The following C1QTNF3 variants were observed in gnomAD, a reference collection of about 807,000 sequenced individuals.
The protein encoded by C1QTNF3 is C1q and TNF related 3.
In C1QTNF3, 26 loss-of-function variants were observed where a neutral mutation model predicts 32.6. The ratio of observed to expected loss-of-function variants is 0.80; its 90% CI spans 0.58 to 1.11. The LOEUF (loss-of-function observed/expected upper bound fraction) is 1.11, where lower values mean the gene tolerates loss of function less well. Among genes scored for constraint, C1QTNF3 ranks in the 50% least tolerant of loss-of-function variants. C1QTNF3 has a pLI of 0.00. For synonymous variants in C1QTNF3, 155 were observed against 146.0 expected (o/e 1.06, Z -0.44); for missense variants, 362 against 398.2 (o/e 0.91, Z 0.77).
At chr5:34,146,287 T>C in the C1QTNF3 span, among the ~76,000 whole-genome samples, 1 of 152,190 alleles carries the variant, frequency 6.6e-6, no homozygotes, top group Non-Finnish European at 1.5e-5. Context: ...CCCAAAGCAA[T>C]TTAAAGATTC....
chr5:34,067,291 G>A, the C1QTNF3 span, among the ~76,000 whole-genome samples: 10 of 152,148 alleles, frequency 6.6e-5, no homozygotes, highest in African/African-American at 2.2e-4. Context: ...GTCCAAAATT[G>A]CTTCCACATT....
At chr5:34,043,794 G>A (rs1754933073), upstream of C1QTNF3, 1 of 152,182 alleles carries the variant, frequency 6.6e-6, no homozygotes, top group South Asian at 2.1e-4. Context: ...GCCACCCTCA[G>A]CTTTACTTCT....
chr5:34,203,288 T>C, the C1QTNF3 span, among the ~76,000 whole-genome samples: 4 of 151,990 alleles, frequency 2.6e-5, no homozygotes, highest in African/African-American at 9.7e-5. Flanking sequence ...AAAGAACTTA[T>C]AAAACAAGTA....
At chr5:34,027,078 T>G (rs1029126020) in intron 4 of C1QTNF3, among the ~76,000 whole-genome samples, 2 of 152,218 alleles carry the variant, frequency 1.3e-5, no homozygotes, top group Non-Finnish European at 2.9e-5. Context: ...TTATTTAAAA[T>G]GTTAATAGTA....
the C1QTNF3 span, among the ~76,000 whole-genome samples, chr5:34,213,697 T>C: frequency 2.0e-5 from 1 of 50,518 alleles, no homozygotes; most frequent in South Asian, 1.2e-3. Flanking sequence ...TGTGTGTGTA[T>C]ATATATATGT....
At chr5:34,033,232 C>T (rs1754659725) in intron 3 of C1QTNF3, 72 bp downstream of exon 3, 8 of 1,535,360 alleles carry the variant, frequency 5.2e-6, no homozygotes, top group Non-Finnish European at 6.2e-6. Context: ...AGCGCTCGAA[C>T]ATCCTGATTC....
the C1QTNF3 span, among the ~76,000 whole-genome samples, chr5:34,070,842 T>C: frequency 3.3e-5 from 5 of 152,242 alleles, no homozygotes; most frequent in African/African-American, 1.2e-4. Context: ...CAATTTATTT[T>C]AGGCTAAAAT....
At chr5:34,084,266 TC>T in the C1QTNF3 span, among the ~76,000 whole-genome samples, 2 of 151,746 alleles carry the variant, frequency 1.3e-5, no homozygotes, top group African/African-American at 4.9e-5. Flanking sequence ...GTGACAATTC[TC>T]CCCGGATCTC....
chr5:34,236,570 CT>C, the C1QTNF3 span, among the ~76,000 whole-genome samples: 3,996 of 27,540 alleles, frequency 0.15, 282 homozygotes, highest in African/African-American at 0.25. Flanking sequence ...TTTCTTTTTT[CT>C]TTTTTTTTTT....
the C1QTNF3 span, among the ~76,000 whole-genome samples, chr5:34,147,144 A>AT: frequency 6.6e-5 from 10 of 152,026 alleles, no homozygotes; most frequent in Admixed American, 3.9e-4. Flanking sequence ...AAAGTAAAAA[A>AT]AATAATAATA....
chr5:34,153,857 A>T, the C1QTNF3 span, among the ~76,000 whole-genome samples: 305 of 136,766 alleles, frequency 2.2e-3, 1 homozygote, highest in African/African-American at 7.1e-3. Flanking sequence ...AGAGTATAAA[A>T]AAAAAAAAAA....
chr5:34,124,385 G>A, the C1QTNF3 span: 8 of 713,492 alleles, frequency 1.1e-5, no homozygotes, highest in Non-Finnish European at 2.1e-5. Flanking sequence ...TTGGCTCACG[G>A]TTCTGCAGGC....
At chr5:34,189,006 G>A in the C1QTNF3 span, among the ~76,000 whole-genome samples, 183 of 147,328 alleles carry the variant, frequency 1.2e-3, no homozygotes, top group African/African-American at 4.5e-3. Flanking sequence ...GTCTCATGAG[G>A]TCTGATGGTT....
chr5:34,236,627 G>A, the C1QTNF3 span, among the ~76,000 whole-genome samples: 8 of 117,208 alleles, frequency 6.8e-5, no homozygotes, highest in African/African-American at 1.6e-4. Flanking sequence ...AGGCTGTAGC[G>A]CAGTGGTGGG....
the C1QTNF3 span, among the ~76,000 whole-genome samples, chr5:34,159,870 C>T: frequency 6.8e-6 from 1 of 146,212 alleles, no homozygotes; most frequent in Non-Finnish European, 1.5e-5. Context: ...TAGAAACATG[C>T]CAAAGTTCTG....
chr5:34,150,066 G>C, the C1QTNF3 span, among the ~76,000 whole-genome samples: 1 of 3,136 alleles, frequency 3.2e-4, no homozygotes, highest in Non-Finnish European at 6.8e-4. Flanking sequence ...CCTAGTCTCT[G>C]ATAAAACAGA....
the C1QTNF3 span, among the ~76,000 whole-genome samples, chr5:34,074,584 A>G: frequency 6.6e-6 from 1 of 151,708 alleles, no homozygotes; most frequent in Non-Finnish European, 1.5e-5. Flanking sequence ...TCCAAAGCAA[A>G]GCCCCACTTT....
chr5:34,117,529 C>T, the C1QTNF3 span, among the ~76,000 whole-genome samples: 2 of 151,900 alleles, frequency 1.3e-5, no homozygotes, highest in African/African-American at 4.8e-5. Context: ...GGCATGGTGT[C>T]TCACGCCTAT....
At chr5:34,180,298 C>T in the C1QTNF3 span, among the ~76,000 whole-genome samples, 188 of 146,848 alleles carry the variant, frequency 1.3e-3, no homozygotes, top group African/African-American at 4.3e-3. Context: ...GAGCCAAGAT[C>T]GCAACACTGC....
Sources: allele counts gnomAD v4.1 joint callset (sites outside exome capture counted in the v4.1 genomes callset), GRCh38; gene constraint gnomAD v4.1.1; transcripts MANE v1.5; gene names NCBI Gene and HGNC (gene_info 2026-07-23, HGNC 2026-07-21).